Variants in ADGRL2 observed in about 807,000 individuals in gnomAD.
The protein encoded by ADGRL2 is adhesion G protein-coupled receptor L2.
A neutral mutation model predicts 157.4 loss-of-function variants in ADGRL2; 44 were observed. The observed-to-expected ratio is 0.28, with a 90% CI of 0.22 to 0.36. The LOEUF (loss-of-function observed/expected upper bound fraction) is 0.36, where lower values mean the gene tolerates loss of function less well. ADGRL2 is among the 10% of genes least tolerant of loss of function. The pLI, the probability that ADGRL2 is intolerant of heterozygous loss-of-function variation, is 1.00. For synonymous variants in ADGRL2, 585 were observed against 624.7 expected, an observed-to-expected ratio of 0.94 and a Z score of 0.95; for missense variants, 1,510 against 1,768.9, an observed-to-expected ratio of 0.85 and a Z score of 2.63.
Position 81,857,347 on chromosome 1 carries a change from G to A in ADGRL2, c.73+20290G>A, listed in dbSNP as rs544975667. Among the ~76,000 whole-genome samples the A allele has an allele frequency of 3.9e-5, 6 of 152,174 alleles. No homozygotes were observed. In the East Asian group the frequency reaches 5.8e-4, roughly 15 times the overall value. On this transcript the variant is annotated intron_variant, in intron 2 of 23. Transcript: ENST00000686636. ...TTTAATCATGCATAATTTTAGCAAC[G>A]CATATATATGTAAAAAGGAAATGAC...
intron 1 of ADGRL2, among the ~76,000 whole-genome samples, chr1:81,312,570 A>G (rs1193747810): frequency 2.0e-5 from 3 of 152,228 alleles, no homozygotes; most frequent in Non-Finnish European, 4.4e-5. Context: ...TTTTCTACCC[A>G]TTGAGGTACT....
chr1:81,936,129 A>G (rs1477982349), intron 3 of ADGRL2, among the ~76,000 whole-genome samples: 1 of 151,908 alleles, frequency 6.6e-6, no homozygotes, highest in East Asian at 1.9e-4. Flanking sequence ...GCACTTTATC[A>G]TTTATGTGGA....
chr1:81,891,978 G>GTA (rs2094279502), intron 2 of ADGRL2, among the ~76,000 whole-genome samples: 1 of 151,844 alleles, frequency 6.6e-6, no homozygotes, highest in African/African-American at 2.4e-5. Context: ...GTGTGTGTGT[G>GTA]TGTGTATGTG....
intron 1 of ADGRL2, among the ~76,000 whole-genome samples, chr1:81,738,901 G>T (rs1304427043): frequency 2.0e-5 from 3 of 152,120 alleles, no homozygotes; most frequent in Non-Finnish European, 4.4e-5. Flanking sequence ...TGGTTATAAG[G>T]TTCCAGCCAG....
In ADGRL2 at chr1:81,957,550, GA is replaced by G. The variant is rs925621125; in HGVS notation, c.2017+1499del. ...CCAATCTTTACAAAAAATACGCCAA[GA>G]AAAAAAAATAGCTGGACATGGTGGC... On this transcript the variant is annotated intron_variant, in intron 11 of 23. Coordinates refer to ENST00000686636, the MANE Select transcript of ADGRL2 (RefSeq NM_001366006.2). Among the ~76,000 whole-genome samples, 17 of 150,750 alleles carry G rather than the reference GA, an allele frequency of 1.1e-4. No homozygotes were observed. The South Asian group carries it at 1.5e-3, about 13-fold the overall frequency.
intron 2 of ADGRL2, among the ~76,000 whole-genome samples, chr1:81,499,175 A>G (rs1206659911): frequency 2.0e-5 from 3 of 152,276 alleles, no homozygotes; most frequent in African/African-American, 4.8e-5. Flanking sequence ...AATAAGAGAG[A>G]ACATGACATG....
intron 2 of ADGRL2, among the ~76,000 whole-genome samples, chr1:81,899,001 T>C (rs1237393916): frequency 2.6e-5 from 4 of 152,082 alleles, no homozygotes; most frequent in Non-Finnish European, 4.4e-5. Context: ...TCCCTGATAA[T>C]CAAAAAGCAT....
intron 3 of ADGRL2, among the ~76,000 whole-genome samples, chr1:81,648,034 A>C (rs534091327): frequency 6.6e-6 from 1 of 152,316 alleles, no homozygotes; most frequent in Admixed American, 6.5e-5. Context: ...CTAGGTGACA[A>C]AATGCAAAGA....
At chr1:81,401,132 C>G (rs1041082746) in intron 1 of ADGRL2, among the ~76,000 whole-genome samples, 1 of 152,260 alleles carries the variant, frequency 6.6e-6, no homozygotes, top group South Asian at 2.1e-4. Flanking sequence ...CGTGTCAGGG[C>G]AGTGTTTCAG....
chr1:81,467,439 G>A (rs1379008619), intron 2 of ADGRL2, among the ~76,000 whole-genome samples: 4 of 152,116 alleles, frequency 2.6e-5, no homozygotes, highest in Non-Finnish European at 5.9e-5. Flanking sequence ...TGCTATTATC[G>A]AAAGCCAAAA....
intron 2 of ADGRL2, among the ~76,000 whole-genome samples, chr1:81,860,827 A>G (rs1163791812): frequency 1.3e-5 from 2 of 152,136 alleles, no homozygotes; most frequent in East Asian, 1.9e-4. Flanking sequence ...TCTAACTTCA[A>G]AATTTTCCTT....
At chr1:81,766,846 GGAAAAAAAAAAAAAAA>G (rs2086146465) in intron 2 of ADGRL2, among the ~76,000 whole-genome samples, 27 of 55,270 alleles carry the variant, frequency 4.9e-4, no homozygotes, top group African/African-American at 2.6e-3. Context: ...AAAAAAAAAA[GGAAAAAAAAAAAAAAA>G]GAAAAAGAAA....
intron 3 of ADGRL2, among the ~76,000 whole-genome samples, chr1:81,614,898 A>G (rs934764942): frequency 6.6e-5 from 10 of 151,952 alleles, no homozygotes; most frequent in African/African-American, 2.2e-4. Context: ...CTGTAGTCCC[A>G]GCTATTCAGG....
At chr1:81,468,569 G>A (rs908360877) in intron 2 of ADGRL2, among the ~76,000 whole-genome samples, 3 of 152,144 alleles carry the variant, frequency 2.0e-5, no homozygotes, top group Non-Finnish European at 2.9e-5. Context: ...AGGGCAAAAC[G>A]TATTATTTGA....
intron 1 of ADGRL2, among the ~76,000 whole-genome samples, chr1:81,743,746 T>C (rs1415221039): frequency 1.3e-5 from 2 of 152,052 alleles, no homozygotes; most frequent in East Asian, 1.9e-4. Flanking sequence ...AATTTTCTAT[T>C]GTCGTAACCA....
chr1:81,435,214 A>G (rs1016321468), intron 1 of ADGRL2, among the ~76,000 whole-genome samples: 6 of 152,220 alleles, frequency 3.9e-5, no homozygotes, highest in African/African-American at 1.4e-4. Context: ...TGACCCATAA[A>G]CTGACCTTTC....
chr1:81,445,256 G>T (rs1229094120), intron 2 of ADGRL2, among the ~76,000 whole-genome samples: 1 of 152,150 alleles, frequency 6.6e-6, no homozygotes, highest in African/African-American at 2.4e-5. Flanking sequence ...TGGAGATGAG[G>T]GAAGAAGAAA....
intron 2 of ADGRL2, among the ~76,000 whole-genome samples, chr1:81,480,242 G>A (rs1316300474): frequency 1.3e-5 from 2 of 152,194 alleles, no homozygotes; most frequent in East Asian, 3.9e-4. Flanking sequence ...TTCAGAGACT[G>A]GTTTTATCAT....
At position 81,417,130 on chromosome 1, in the gene ADGRL2, G is replaced by A. The variant is rs577826367; in HGVS notation, c.-301-27906G>A. ...TATAAAATACAATTTAAATTTTCCC[G>A]AATTACATTTTATAATTACAACAAA... On this transcript the variant is annotated intron_variant, in intron 1 of 24. Coordinates refer to the ADGRL2 transcript ENST00000370721. 3.8e-4 allele frequency among the ~76,000 whole-genome samples: 58 copies of A among 151,958 alleles called. 1 individual carries two copies. The highest frequency in any genetic ancestry group is 1.4e-3 in the African/African-American group (56 of 41,438).
Sources: gnomAD v4.1 joint callset for allele counts (sites outside exome capture counted in the v4.1 genomes callset) on GRCh38, gnomAD v4.1.1 for gene constraint, MANE v1.5 for transcripts, NCBI Gene and HGNC (gene_info 2026-07-23, HGNC 2026-07-21) for gene names.